Variants in XPO7 observed in about 807,000 individuals in gnomAD.
XPO7 encodes exportin-7.
In XPO7, 21 loss-of-function variants were observed where a neutral mutation model predicts 144.3. That is an observed-to-expected ratio of 0.15 (90% CI 0.10 to 0.21). The LOEUF is 0.21. XPO7 is among the 10% of genes least tolerant of loss of function. The pLI is 1.00. For synonymous variants in XPO7, 580 were observed against 499.6 expected, an observed-to-expected ratio of 1.16 and a Z score of -2.15; for missense variants, 808 against 1,325.8, an observed-to-expected ratio of 0.61 and a Z score of 6.06.
At position 22,005,061 on chromosome 8, in the gene XPO7, C is replaced by A. The variant is rs146292138; in HGVS notation, c.3237C>A (p.Gly1079=). ...ACTCAATGAAGAATTCCACTTATGGCGTGAATAGCAATGACATGATGAGCT... is the reference window on the plus strand; with the variant it reads ...ACTCAATGAAGAATTCCACTTATGGAGTGAATAGCAATGACATGATGAGCT... The part of the protein sequence containing the change: ...VNDSMKNSTY[G]VNSNDMMS The change falls in exon 28 of 28, where the codon GGC becomes GGA. Residue 1079 remains glycine (G), a synonymous_variant. Transcript: ENST00000252512. 6.2e-6 allele frequency: 10 copies of A among 1,612,816 alleles called. No individual in the cohort carries two copies. Among genetic ancestry groups the A allele is most frequent in the Non-Finnish European group, 8.5e-6 (10 of 1,179,388 alleles).
At chr8:21,943,209 T>A (rs191988968) in intron 1 of XPO7, among the ~76,000 whole-genome samples, 5 of 152,328 alleles carry the variant, frequency 3.3e-5, no homozygotes, top group African/African-American at 1.2e-4. Context: ...TATCCAGCAC[T>A]CTCGGGTTAA....
At chr8:21,926,640 T>G (rs1810467958) in intron 1 of XPO7, among the ~76,000 whole-genome samples, 2 of 152,168 alleles carry the variant, frequency 1.3e-5, no homozygotes, top group Admixed American at 1.3e-4. Context: ...TGTCTAAAAT[T>G]AGTCATGAAA....
chr8:21,965,774 A>C (rs1811863764), intron 1 of XPO7, among the ~76,000 whole-genome samples: 1 of 152,230 alleles, frequency 6.6e-6, no homozygotes, highest in African/African-American at 2.4e-5. Context: ...ATAAAGTGAT[A>C]ATGAAAAGCC....
At chr8:21,938,015 C>T (rs1810876135) in intron 1 of XPO7, among the ~76,000 whole-genome samples, 1 of 151,868 alleles carries the variant, frequency 6.6e-6, no homozygotes, top group Non-Finnish European at 1.5e-5. Context: ...CATATATAAC[C>T]CCCTTTTAAA....
At position 21,969,473 on chromosome 8, in the gene XPO7, C is replaced by CT. The variant is rs928009290; in HGVS notation, c.166-6dup. ...ACAATTTTAAGTCCTTTTTCCCTCT[C>CT]TTTTCACAGTCCTCTTACTCCCAGT... On this transcript the variant is annotated splice_polypyrimidine_tract_variant and intron_variant, in intron 2 of 27. Coordinates refer to ENST00000252512, the MANE Select transcript of XPO7 (RefSeq NM_015024.5). 4.5e-5 allele frequency: 72 copies of CT among 1,611,142 alleles called. No homozygotes were observed. The highest frequency in any genetic ancestry group is 5.9e-5 in the Non-Finnish European group (70 of 1,178,136).
intron 9 of XPO7, among the ~76,000 whole-genome samples, chr8:21,980,936 G>A (rs771462160): frequency 2.6e-5 from 4 of 152,106 alleles, no homozygotes; most frequent in Admixed American, 6.5e-5. Flanking sequence ...GTCTTTTGAA[G>A]TCCCAGTGAT....
At chr8:21,961,772 C>T (rs1811732659) in intron 1 of XPO7, among the ~76,000 whole-genome samples, 1 of 152,194 alleles carries the variant, frequency 6.6e-6, no homozygotes, top group Admixed American at 6.5e-5. Context: ...AAGAGATTCT[C>T]CGGCCTCAGC....
chr8:21,935,999 C>CT (rs1357325641), intron 1 of XPO7, among the ~76,000 whole-genome samples: 3 of 152,014 alleles, frequency 2.0e-5, no homozygotes, highest in African/African-American at 7.2e-5. Context: ...TTGTAGAACC[C>CT]TTTTTTGCCC....
chr8:21,970,298 A>T lies in XPO7; in HGVS notation c.414A>T (p.Thr138=). ...TCAGAAATGCAATCACAGACGTCAC[A>T]AGGTTTTTACAGGTACAGTGTATAT... ...YVFRNAITDV[T]RFLQDSVEYC... The change falls in exon 4 of 28, where the codon ACA becomes ACT. Residue 138 remains threonine (T), a synonymous_variant. Coordinates refer to ENST00000252512, the MANE Select transcript of XPO7 (RefSeq NM_015024.5). The T allele has an allele frequency of 6.2e-7, 1 of 1,613,556 alleles. No individual in the cohort carries two copies. Among genetic ancestry groups the T allele is most frequent in the East Asian group, 2.2e-5 (1 of 44,866 alleles).
intron 1 of XPO7, among the ~76,000 whole-genome samples, chr8:21,926,321 A>G (rs1585412397): frequency 6.6e-6 from 1 of 152,162 alleles, no homozygotes; most frequent in East Asian, 1.9e-4. Context: ...TCTCATTGGT[A>G]CTTTGCATGA....
intron 12 of XPO7, 115 bp downstream of exon 12, chr8:21,984,954 T>C: frequency 8.9e-7 from 1 of 1,122,998 alleles, no homozygotes; most frequent in Non-Finnish European, 1.3e-6. Flanking sequence ...TCATCATCTG[T>C]TGTCTCCATA....
At chr8:21,936,414 C>G (rs1033350558) in intron 1 of XPO7, among the ~76,000 whole-genome samples, 8 of 152,268 alleles carry the variant, frequency 5.3e-5, no homozygotes, top group Admixed American at 4.6e-4. Flanking sequence ...GATTTCTGCC[C>G]TGTGAAGAAT....
intron 3 of XPO7, 136 bp downstream of exon 3, chr8:21,969,712 T>C: frequency 1.1e-6 from 1 of 911,192 alleles, no homozygotes; most frequent in South Asian, 1.8e-5. Flanking sequence ...ATCCAGTTCG[T>C]TTCCAGAATT....
chr8:21,952,915 A>G (rs1393998006), intron 1 of XPO7, among the ~76,000 whole-genome samples: 1 of 152,212 alleles, frequency 6.6e-6, no homozygotes, highest in East Asian at 1.9e-4. Context: ...AAACTGGCAA[A>G]TTAGATGTTT....
chr8:21,950,741 T>G (rs971061518), intron 1 of XPO7, among the ~76,000 whole-genome samples: 2 of 152,216 alleles, frequency 1.3e-5, no homozygotes, highest in Admixed American at 6.5e-5. Flanking sequence ...TTCCTTGAAT[T>G]AATTTGTATA....
chr8:21,921,349 C>G (rs1329169543), intron 1 of XPO7: 1 of 152,134 alleles, frequency 6.6e-6, no homozygotes, highest in Non-Finnish European at 1.5e-5. Context: ...GTCCCAAAGT[C>G]TTTGGAGTTT....
chr8:21,990,710 A>T, intron 17 of XPO7, 101 bp from the exon 18 acceptor site: 1 of 1,230,692 alleles, frequency 8.1e-7, no homozygotes, highest in Non-Finnish European at 1.2e-6. Flanking sequence ...ATGACTACAT[A>T]ACCATTGGCT....
At chr8:21,936,052 GTATT>G (rs1441068321) in intron 1 of XPO7, among the ~76,000 whole-genome samples, 2 of 152,120 alleles carry the variant, frequency 1.3e-5, no homozygotes, top group African/African-American at 2.4e-5. Context: ...AATAACAACA[GTATT>G]TATTGAGCTC....
At chr8:21,962,123 C>G (rs1448243955) in intron 1 of XPO7, among the ~76,000 whole-genome samples, 6 of 152,140 alleles carry the variant, frequency 3.9e-5, no homozygotes, top group Non-Finnish European at 8.8e-5. Context: ...AAACTTTTTC[C>G]TTAAAATGAG....
Sources: gnomAD v4.1 joint callset for allele counts (sites outside exome capture counted in the v4.1 genomes callset) on GRCh38, gnomAD v4.1.1 for gene constraint, MANE v1.5 for transcripts, NCBI Gene and HGNC (gene_info 2026-07-23, HGNC 2026-07-21) for gene names.